TAFA2: variants seen among roughly 807,000 people sequenced by gnomAD.
The protein encoded by TAFA2 is TAFA chemokine like family member 2.
In TAFA2, 7 loss-of-function variants were observed where a neutral mutation model predicts 18.8. The observed-to-expected ratio is 0.37, with a 90% CI of 0.21 to 0.70. The LOEUF is 0.70. TAFA2 is among the 30% of genes least tolerant of loss of function. The probability of loss-of-function intolerance (pLI) is 0.53; values close to 1 mark genes in which losing one functional copy is unlikely to be tolerated. For synonymous variants in TAFA2, 60 were observed against 54.2 expected (o/e 1.11, Z -0.47); for missense variants, 122 against 158.1 (o/e 0.77, Z 1.23).
intron 1 of TAFA2, among the ~76,000 whole-genome samples, chr12:62,124,329 A>G (rs1167332723): frequency 6.6e-6 from 1 of 152,014 alleles, no homozygotes; most frequent in East Asian, 1.9e-4. Flanking sequence ...AAGAAGTATT[A>G]CTAAAAGAAT....
At chr12:62,026,108 C>T (rs2136737926) in intron 1 of TAFA2, among the ~76,000 whole-genome samples, 1 of 152,194 alleles carries the variant, frequency 6.6e-6, no homozygotes, top group Middle Eastern at 3.4e-3. Flanking sequence ...GCTTTCACAT[C>T]ATCCTGTTTA....
chr12:62,110,553 G>A (rs1470140136), intron 1 of TAFA2, among the ~76,000 whole-genome samples: 1 of 151,036 alleles, frequency 6.6e-6, no homozygotes, highest in Admixed American at 6.6e-5. Flanking sequence ...AGAAGGAATG[G>A]CACCAGCTTC....
rs561806423 is a variant in TAFA2 at position 61,937,948 on chromosome 12, T to C, written c.-1-70522A>G. On this transcript the variant is annotated intron_variant, in intron 1 of 4. Coordinates refer to ENST00000416284, the MANE Select transcript of TAFA2 (RefSeq NM_178539.5). ...AGAATCTACAAGGAACTCAAACAAA[T>C]CAGCAAGAAAAAAAACAAATAATCC... Among the ~76,000 whole-genome samples the C allele has an allele frequency of 3.3e-5, 5 of 151,220 alleles. No individual in the cohort carries two copies. The South Asian group carries it at 1.0e-3, about 32-fold the overall frequency.
chr12:61,896,909 G>T lies in TAFA2; in HGVS notation c.-1-29483C>A, dbSNP rs74098455. ...ATTTGTGATACAAATAGCAAATGGG[G>T]GATATAAAAGTTATCTGATAACATG... On this transcript the variant is annotated intron_variant, in intron 1 of 4. Transcript: ENST00000416284. Among the ~76,000 whole-genome samples the T allele has an allele frequency of 7.6e-3, 1,159 of 151,982 alleles. 15 individuals carry two copies. The highest frequency in any genetic ancestry group is 0.026 in the African/African-American group (1,059 of 41,432).
At chr12:62,083,518 C>G (rs148846906) in intron 1 of TAFA2, among the ~76,000 whole-genome samples, 1 of 152,104 alleles carries the variant, frequency 6.6e-6, no homozygotes, top group African/African-American at 2.4e-5. Flanking sequence ...CTCCTCTCCG[C>G]CATGAAAGTA....
chr12:61,763,526 G>A (rs1869651949), intron 2 of TAFA2, among the ~76,000 whole-genome samples: 1 of 151,820 alleles, frequency 6.6e-6, no homozygotes, highest in Non-Finnish European at 1.5e-5. Flanking sequence ...TGTATCTAAA[G>A]GAATAAGTGG....
intron 1 of TAFA2, among the ~76,000 whole-genome samples, chr12:62,014,733 A>C (rs532406140): frequency 6.6e-6 from 1 of 152,322 alleles, no homozygotes; most frequent in African/African-American, 2.4e-5. Context: ...AGTCAGACTC[A>C]ACTAGCATTT....
chr12:62,146,160 G>C (rs1369855500), intron 1 of TAFA2, among the ~76,000 whole-genome samples: 3 of 152,056 alleles, frequency 2.0e-5, no homozygotes, highest in Admixed American at 1.3e-4. Flanking sequence ...TTTCTGTGAA[G>C]AGGTTTCTTG....
intron 4 of TAFA2, among the ~76,000 whole-genome samples, chr12:61,739,643 TA>T (rs1392638071): frequency 2.6e-5 from 4 of 152,036 alleles, no homozygotes; most frequent in Non-Finnish European, 5.9e-5. Context: ...CCCTTATTCA[TA>T]AGGGAATTCA....
intron 4 of TAFA2, among the ~76,000 whole-genome samples, chr12:61,730,794 A>G (rs554075645): frequency 1.3e-5 from 2 of 152,210 alleles, no homozygotes; most frequent in South Asian, 2.1e-4. Flanking sequence ...ATTTACATCC[A>G]GGCCTTCAGT....
At chr12:61,979,913 C>T (rs1249317459) in intron 1 of TAFA2, among the ~76,000 whole-genome samples, 3 of 152,038 alleles carry the variant, frequency 2.0e-5, no homozygotes. Flanking sequence ...ATTAACCACC[C>T]TCTTTGTCCC....
At chr12:62,200,410 C>T (rs780629567) in intron 1 of TAFA2, among the ~76,000 whole-genome samples, 4 of 152,058 alleles carry the variant, frequency 2.6e-5, no homozygotes, top group Non-Finnish European at 5.9e-5. Context: ...AGTCTTTAAT[C>T]CATCATGAGT....
intron 1 of TAFA2, among the ~76,000 whole-genome samples, chr12:61,996,921 T>C (rs1174835482): frequency 6.6e-6 from 1 of 152,202 alleles, no homozygotes; most frequent in Admixed American, 6.5e-5. Context: ...TCCTGCTTAG[T>C]CTGCACATTT....
chr12:62,113,419 C>T (rs35194524), intron 1 of TAFA2, among the ~76,000 whole-genome samples: 1 of 152,106 alleles, frequency 6.6e-6, no homozygotes, highest in East Asian at 1.9e-4. Context: ...AGGTGCCTGT[C>T]GACCCCTGCT....
intron 2 of TAFA2, among the ~76,000 whole-genome samples, chr12:61,835,455 G>A (rs1872882150): frequency 1.3e-5 from 2 of 151,962 alleles, no homozygotes; most frequent in Admixed American, 1.3e-4. Context: ...GGTTTGGGCT[G>A]CCACTGATCC....
chr12:61,951,097 G>T (rs954254796), intron 1 of TAFA2, among the ~76,000 whole-genome samples: 2 of 151,990 alleles, frequency 1.3e-5, no homozygotes, highest in Admixed American at 6.6e-5. Flanking sequence ...GACGAAAAAA[G>T]ATCTCAGAAA....
intron 1 of TAFA2, among the ~76,000 whole-genome samples, chr12:62,169,782 C>T (rs996611329): frequency 3.6e-5 from 5 of 140,052 alleles, no homozygotes; most frequent in South Asian, 2.3e-4. Flanking sequence ...ACCCGGGAGG[C>T]GGAGCTTGCA....
intron 1 of TAFA2, among the ~76,000 whole-genome samples, chr12:61,902,138 A>G (rs1334369210): frequency 6.7e-6 from 1 of 150,344 alleles, no homozygotes; most frequent in African/African-American, 2.5e-5. Flanking sequence ...GTATGGTACT[A>G]TAGGAATCCA....
chr12:61,934,072 T>C (rs1230117304), intron 1 of TAFA2, among the ~76,000 whole-genome samples: 4 of 152,228 alleles, frequency 2.6e-5, no homozygotes, highest in African/African-American at 9.6e-5. Context: ...TCGTTGTATA[T>C]CTTAGGTGTA....
Sources: allele counts gnomAD v4.1 joint callset (sites outside exome capture counted in the v4.1 genomes callset), GRCh38; gene constraint gnomAD v4.1.1; transcripts MANE v1.5; gene names NCBI Gene and HGNC (gene_info 2026-07-23, HGNC 2026-07-21).